The following ATP8B4 variants were observed in gnomAD, a reference collection of about 807,000 sequenced individuals.
The protein encoded by ATP8B4 is probable phospholipid-transporting ATPase IM.
A neutral mutation model predicts 145.6 loss-of-function variants in ATP8B4; 133 were observed. The observed-to-expected ratio is 0.91, with a 90% CI of 0.79 to 1.05. The LOEUF is 1.05. ATP8B4 is among the 50% of genes least tolerant of loss of function. ATP8B4 has a pLI of 0.00. For missense variants in ATP8B4, 1,458 were observed against 1,425.2 expected, an observed-to-expected ratio of 1.02 and a Z score of -0.37; for synonymous variants, 507 against 492.9, an observed-to-expected ratio of 1.03 and a Z score of -0.38.
chr15:50,099,237 C>A (rs933175398), intron 2 of ATP8B4, among the ~76,000 whole-genome samples: 2 of 152,180 alleles, frequency 1.3e-5, no homozygotes, highest in African/African-American at 4.8e-5. Context: ...CCATAAACAA[C>A]CTTCTTCCTG....
intron 3 of ATP8B4, among the ~76,000 whole-genome samples, chr15:50,055,516 T>C (rs1036943144): frequency 1.3e-5 from 2 of 152,168 alleles, no homozygotes; most frequent in Non-Finnish European, 2.9e-5. Flanking sequence ...CCAGGAGCTT[T>C]TGCAATCAGT....
chr15:50,130,562 G>T (rs2057338917), intron 1 of ATP8B4, among the ~76,000 whole-genome samples: 1 of 151,938 alleles, frequency 6.6e-6, no homozygotes, highest in Admixed American at 6.6e-5. Context: ...GGATCACAAG[G>T]TCAGGAGATC....
Position 50,143,525 on chromosome 15 carries a change from A to G in ATP8B4, c.-42-36517T>C, listed in dbSNP as rs2044239177. On this transcript the variant is annotated intron_variant, in intron 1 of 3. Coordinates refer to the ATP8B4 transcript ENST00000558829. ...TAAAGCAGAAACTACAAAGCTTTTG[A>G]TAAGCTAACCTCAGAAGTAACATAT... Among the ~76,000 whole-genome samples, 6 of 152,260 alleles carry G rather than the reference A, an allele frequency of 3.9e-5. No individual in the cohort carries two copies. In the South Asian group the frequency reaches 1.2e-3, roughly 31 times the overall value.
At chr15:50,064,900 G>C (rs1319098219) in intron 3 of ATP8B4, among the ~76,000 whole-genome samples, 2 of 152,060 alleles carry the variant, frequency 1.3e-5, no homozygotes, top group South Asian at 2.1e-4. Context: ...CAGATCTCAG[G>C]ATAACTCACT....
intron 1 of ATP8B4, among the ~76,000 whole-genome samples, chr15:50,173,814 C>T (rs2044723786): frequency 6.6e-6 from 1 of 152,004 alleles, no homozygotes; most frequent in Non-Finnish European, 1.5e-5. Context: ...CACCCTAATA[C>T]CAAAACCAGG....
intron 16 of ATP8B4, among the ~76,000 whole-genome samples, chr15:49,926,069 G>T (rs1302396790): frequency 2.0e-5 from 3 of 151,696 alleles, no homozygotes; most frequent in African/African-American, 7.3e-5. Context: ...CCTTCATACT[G>T]TCCCTGGGCA....
At chr15:49,979,244 T>C (rs573933976) in intron 12 of ATP8B4, among the ~76,000 whole-genome samples, 2 of 152,254 alleles carry the variant, frequency 1.3e-5, no homozygotes, top group East Asian at 3.9e-4. Flanking sequence ...CATGTATCTA[T>C]AGAGCCAGTC....
intron 20 of ATP8B4, among the ~76,000 whole-genome samples, chr15:49,914,621 A>G (rs190835075): frequency 6.6e-6 from 1 of 152,262 alleles, no homozygotes; most frequent in East Asian, 1.9e-4. Flanking sequence ...AACTCAATTA[A>G]AACAGTAAGA....
intron 6 of ATP8B4, among the ~76,000 whole-genome samples, chr15:50,032,278 T>C (rs1372314534): frequency 2.0e-5 from 3 of 151,642 alleles, no homozygotes; most frequent in East Asian, 3.9e-4. Flanking sequence ...AATGAGAACA[T>C]GTGGTATTTG....
intron 1 of ATP8B4, among the ~76,000 whole-genome samples, chr15:50,169,432 C>CA (rs1455629522): frequency 1.3e-5 from 2 of 152,184 alleles, no homozygotes; most frequent in African/African-American, 4.8e-5. Flanking sequence ...AGACAGAAAA[C>CA]AATCACTGCA....
chr15:50,023,036 C>T (rs1196432783), intron 6 of ATP8B4, among the ~76,000 whole-genome samples: 1 of 152,050 alleles, frequency 6.6e-6, no homozygotes, highest in Non-Finnish European at 1.5e-5. Context: ...CAGAAAGTTG[C>T]CCTTTTAATT....
intron 24 of ATP8B4, among the ~76,000 whole-genome samples, chr15:49,878,024 G>C (rs1361155082): frequency 2.0e-5 from 3 of 152,222 alleles, no homozygotes; most frequent in Non-Finnish European, 2.9e-5. Context: ...GTCCAGCATA[G>C]CATTCCACGA....
intron 9 of ATP8B4, among the ~76,000 whole-genome samples, chr15:49,988,944 T>G (rs1035683469): frequency 3.3e-5 from 5 of 152,238 alleles, no homozygotes; most frequent in African/African-American, 9.6e-5. Flanking sequence ...GAGGGACTTA[T>G]GTCCTCAGGG....
chr15:50,067,202 T>TA (rs1212128969), intron 3 of ATP8B4, among the ~76,000 whole-genome samples: 9 of 152,164 alleles, frequency 5.9e-5, no homozygotes, highest in African/African-American at 1.7e-4. Context: ...ACACCCAACT[T>TA]ACGTTCTGTG....
chr15:50,038,325 T>C (rs955357129), intron 6 of ATP8B4, among the ~76,000 whole-genome samples: 4 of 152,320 alleles, frequency 2.6e-5, no homozygotes, highest in Middle Eastern at 3.4e-3. Flanking sequence ...AGATGGCCCA[T>C]GTATATTCCA....
chr15:50,092,265 C>T (rs1024628361), intron 2 of ATP8B4, among the ~76,000 whole-genome samples: 2 of 152,120 alleles, frequency 1.3e-5, no homozygotes, highest in African/African-American at 2.4e-5. Flanking sequence ...CCTTCTCTAA[C>T]TGCTACCCAG....
intron 27 of ATP8B4, among the ~76,000 whole-genome samples, 169 bp downstream of exon 27, chr15:49,862,076 A>G (rs1191760967): frequency 6.6e-6 from 1 of 152,260 alleles, no homozygotes; most frequent in Non-Finnish European, 1.5e-5. Flanking sequence ...GGACTAGTAC[A>G]TTCAAGATGT....
chr15:49,973,538 C>T (rs2045372045), intron 12 of ATP8B4, among the ~76,000 whole-genome samples: 1 of 152,138 alleles, frequency 6.6e-6, no homozygotes, highest in Non-Finnish European at 1.5e-5. Context: ...CAAACCATAA[C>T]AAATACTGAG....
chr15:49,944,554 C>T (rs2413982), intron 14 of ATP8B4, among the ~76,000 whole-genome samples: 19,675 of 151,986 alleles, frequency 0.13, 1,699 homozygotes, highest in East Asian at 0.35. Context: ...ATCAGATCAT[C>T]GAAATATATG....
Sources: gnomAD v4.1 joint callset for allele counts (sites outside exome capture counted in the v4.1 genomes callset) on GRCh38, gnomAD v4.1.1 for gene constraint, MANE v1.5 for transcripts, NCBI Gene and HGNC (gene_info 2026-07-23, HGNC 2026-07-21) for gene names.